Variants in OSBPL3 observed in about 807,000 individuals in gnomAD.
OSBPL3 encodes oxysterol-binding protein-related protein 3.
OSBPL3 carries 65 observed loss-of-function variants against 120.1 expected under a neutral mutation model. The observed-to-expected ratio is 0.54, with a 90% CI of 0.44 to 0.67. The LOEUF is 0.67. OSBPL3 is among the 30% of genes least tolerant of loss of function. The pLI is 0.00. For synonymous variants in OSBPL3, 416 were observed against 402.6 expected, an observed-to-expected ratio of 1.03 and a Z score of -0.40; for missense variants, 1,004 against 1,082.1, an observed-to-expected ratio of 0.93 and a Z score of 1.01.
chr7:24,938,485 A>G lies in OSBPL3; in HGVS notation c.-150+41401T>C, dbSNP rs1043138841. The stretch of plus-strand genomic sequence containing the variant: ...ATTCCAAAGCTGATATGGCAGCTTC[A>G]TGGTTATAATGACCAAAGATCCTTC... On this transcript the variant is annotated intron_variant, in intron 1 of 22. Transcript: ENST00000313367. The surrounding 1 kb of genome is among the most constrained non-coding windows in gnomAD (Gnocchi z 5.8). Among the ~76,000 whole-genome samples, 3 of 152,206 alleles carry G rather than the reference A, an allele frequency of 2.0e-5. No individual in the cohort carries two copies. The highest frequency in any genetic ancestry group is 4.4e-5 in the Non-Finnish European group (3 of 68,024).
chr7:24,829,201 C>A (rs984088205), intron 16 of OSBPL3, among the ~76,000 whole-genome samples: 3 of 152,130 alleles, frequency 2.0e-5, no homozygotes, highest in Admixed American at 6.6e-5. Context: ...GCATATGATA[C>A]CATGGAAACC....
rs1799085413 is a variant in OSBPL3 at position 24,851,026 on chromosome 7, G to A, written c.1158+1478C>T. On this transcript the variant is annotated intron_variant, in intron 11 of 22. Coordinates refer to ENST00000313367, the MANE Select transcript of OSBPL3 (RefSeq NM_015550.4). The surrounding 1 kb of genome is among the most constrained non-coding windows in gnomAD (Gnocchi z 4.1). Reference sequence around the variant, plus strand: ...TGGCCTAGGATACCACAGCCAAATAGGTCTCAGTGGCCAAACAGGCAGATT... The same window carrying A: ...TGGCCTAGGATACCACAGCCAAATAAGTCTCAGTGGCCAAACAGGCAGATT... Among the ~76,000 whole-genome samples, 1 of 152,202 alleles carries A rather than the reference G, an allele frequency of 6.6e-6. No individual in the cohort carries two copies. The highest frequency in any genetic ancestry group is 1.5e-5 in the Non-Finnish European group (1 of 68,028).
At position 24,872,144 on chromosome 7, in the gene OSBPL3, G is replaced by A; in HGVS notation, c.97-75C>T. 1 of 1,044,232 alleles carries A rather than the reference G, an allele frequency of 9.6e-7. No homozygotes were observed. The highest frequency in any genetic ancestry group is 1.5e-6 in the Non-Finnish European group (1 of 670,022). The allele number at this position is 1,044,232 out of a possible 1,614,324, so 64.7% of individuals were successfully genotyped here. A position where few individuals can be genotyped will look rare whatever the true frequency, so the allele number is the denominator to read the frequency against. On this transcript the variant is annotated intron_variant, in intron 2 of 22. Transcript: ENST00000313367. This position sits in a 1 kb window ranked among gnomAD's most constrained non-coding sequence, Gnocchi z 4.1. ...ATAATGGTAAAAAGCACTGCATCCTGTCAGTAAATTTATTCAAGATGGGGA... is the reference window on the plus strand; with the variant it reads ...ATAATGGTAAAAAGCACTGCATCCTATCAGTAAATTTATTCAAGATGGGGA...
intron 2 of OSBPL3, among the ~76,000 whole-genome samples, chr7:24,884,943 T>G (rs1397973557): frequency 6.6e-6 from 1 of 152,086 alleles, no homozygotes; most frequent in African/African-American, 2.4e-5. Context: ...TGAAATAAAT[T>G]TAGAGATGCT....
At chr7:24,882,316 TA>T (rs1235212748) in intron 2 of OSBPL3, among the ~76,000 whole-genome samples, 1 of 145,680 alleles carries the variant, frequency 6.9e-6, no homozygotes, top group Non-Finnish European at 1.5e-5. Flanking sequence ...TCCACCTGAA[TA>T]CATTTTTTAG....
Position 24,805,035 on chromosome 7 carries a change from G to A in OSBPL3, c.2445-598C>T, listed in dbSNP as rs960822314. On this transcript the variant is annotated intron_variant, in intron 21 of 22. Coordinates refer to ENST00000313367, the MANE Select transcript of OSBPL3 (RefSeq NM_015550.4). The surrounding 1 kb of genome is among the most constrained non-coding windows in gnomAD (Gnocchi z 4.0). ...ATTTGAATCATTTTAATGTGACAAT[G>A]CCGCAATAAATGACCTTGTATATCC... is the stretch of plus-strand genomic sequence containing the variant. Among the ~76,000 whole-genome samples the A allele has an allele frequency of 3.3e-5, 5 of 152,176 alleles. No individual in the cohort carries two copies. The highest frequency in any genetic ancestry group is 7.4e-5 in the Non-Finnish European group (5 of 68,020).
At position 24,834,528 on chromosome 7, in the gene OSBPL3, G is replaced by C; in HGVS notation, c.1704C>G (p.Leu568=). Residue 568 remains leucine (L), a synonymous_variant, in exon 15 of 23, where the codon CTC becomes CTG. Coordinates refer to ENST00000313367, the MANE Select transcript of OSBPL3 (RefSeq NM_015550.4). The surrounding 1 kb of genome is among the most constrained non-coding windows in gnomAD (Gnocchi z 5.2). ...RLCEELEYSE[L]LDKAAQIPSP... ...TGGGAATCTGCGCGGCCTTGTCCAG[G>C]AGCTCGCTGTACTCCAGCTCCTCGC... The C allele has an allele frequency of 6.2e-7, 1 of 1,613,926 alleles. No individual in the cohort carries two copies. The highest frequency in any genetic ancestry group is 8.5e-7 in the Non-Finnish European group (1 of 1,179,904).
chr7:24,897,320 CTTTTTTTTTTTT>C (rs35715609), intron 1 of OSBPL3, among the ~76,000 whole-genome samples: 1 of 102,254 alleles, frequency 9.8e-6, no homozygotes, highest in Non-Finnish European at 1.8e-5. Context: ...ATGGCAGAAT[CTTTTTTTTTTTT>C]TTTTTTTTTT....
intron 1 of OSBPL3, among the ~76,000 whole-genome samples, chr7:24,977,584 C>T (rs941043293): frequency 6.6e-6 from 1 of 152,086 alleles, no homozygotes; most frequent in Non-Finnish European, 1.5e-5. Context: ...GGGCAGGGCG[C>T]GGTGGCTCAC....
intron 17 of OSBPL3, 113 bp from the exon 18 acceptor site, chr7:24,816,801 G>C: frequency 1.4e-6 from 1 of 721,410 alleles, no homozygotes. Flanking sequence ...TCACAATCAA[G>C]TCAATTATTG....
At chr7:24,934,979 T>C (rs1417807919) in intron 1 of OSBPL3, among the ~76,000 whole-genome samples, 2 of 152,212 alleles carry the variant, frequency 1.3e-5, no homozygotes, top group Non-Finnish European at 2.9e-5. Flanking sequence ...ACAAGAACTT[T>C]TAGTGGCTTT....
rs1244082957 is a variant in OSBPL3 at position 24,861,627 on chromosome 7, T to G, written c.1013A>C (p.His338Pro). ...AACTCATTTACCTTTATGGGCAATA[T>G]GACACAGATCTTCTTGCATTTTAGA... ...EFSKMQEDLC[H>P]IAHKVYFTLR... Residue 338 changes from histidine (H) to proline (P), a missense_variant, in exon 10 of 23, where the codon CAT becomes CCT. Physicochemically the swap from His to Pro is moderately conservative, Grantham distance 77. Transcript: ENST00000313367. 3.8e-6 allele frequency: 6 copies of G among 1,598,432 alleles called. No individual in the cohort carries two copies. The highest frequency in any genetic ancestry group is 5.1e-6 in the Non-Finnish European group (6 of 1,174,210).
chr7:24,873,619 T>C lies in OSBPL3; in HGVS notation c.97-1550A>G, dbSNP rs1041765727. Among the ~76,000 whole-genome samples, 2 of 152,182 alleles carry C rather than the reference T, an allele frequency of 1.3e-5. No homozygotes were observed. Among genetic ancestry groups the C allele is most frequent in the African/African-American group, 4.8e-5 (2 of 41,436 alleles). On this transcript the variant is annotated intron_variant, in intron 2 of 22. Coordinates refer to ENST00000313367, the MANE Select transcript of OSBPL3 (RefSeq NM_015550.4). This position sits in a 1 kb window ranked among gnomAD's most constrained non-coding sequence, Gnocchi z 4.1. ...TTTTTTTTTAAGGAAGGTAGCAATG[T>C]TGAATGAGATTTCTTCATAACAAAA...
chr7:24,917,428 T>TA (rs1562924930), intron 1 of OSBPL3, among the ~76,000 whole-genome samples: 1,016 of 92,222 alleles, frequency 0.011, 25 homozygotes, highest in African/African-American at 0.022. Flanking sequence ...ATATATATAT[T>TA]TGTAACATAT....
At chr7:24,853,768 G>C (rs1023728041) in intron 10 of OSBPL3, among the ~76,000 whole-genome samples, 3 of 152,222 alleles carry the variant, frequency 2.0e-5, no homozygotes, top group African/African-American at 7.2e-5. Flanking sequence ...TGTGTGTGTA[G>C]AGAGTGATAA....
chr7:24,881,019 C>T lies in OSBPL3; in HGVS notation c.97-8950G>A, dbSNP rs1412501247. 6.6e-6 allele frequency among the ~76,000 whole-genome samples: 1 copy of T among 152,220 alleles called. No individual in the cohort carries two copies. The highest frequency in any genetic ancestry group is 1.9e-4 in the East Asian group (1 of 5,202). ...ATATAATACTCTTGTATGCCAACTACAGGGCATTCATGACTCTTCAAGGAG... is the reference window on the plus strand; with the variant it reads ...ATATAATACTCTTGTATGCCAACTATAGGGCATTCATGACTCTTCAAGGAG... On this transcript the variant is annotated intron_variant, in intron 2 of 22. Transcript: ENST00000313367. The surrounding 1 kb of genome is among the most constrained non-coding windows in gnomAD (Gnocchi z 4.3).
intron 10 of OSBPL3, among the ~76,000 whole-genome samples, chr7:24,858,761 G>A (rs946049213): frequency 6.6e-6 from 1 of 152,220 alleles, no homozygotes. Context: ...TTTCAACAAG[G>A]TGGAGACCTC....
At chr7:24,906,521 T>C (rs1807951103) in intron 1 of OSBPL3, 2 of 176,484 alleles carry the variant, frequency 1.1e-5, no homozygotes, top group South Asian at 2.4e-4. Context: ...GATATCACTG[T>C]AGAGTATCTT....
At chr7:24,904,072 G>A (rs1807478721) in intron 1 of OSBPL3, among the ~76,000 whole-genome samples, 1 of 151,824 alleles carries the variant, frequency 6.6e-6, no homozygotes, top group Admixed American at 6.6e-5. Flanking sequence ...TAGTAGAGAT[G>A]GGGTTTCACC....
Sources: allele counts gnomAD v4.1 joint callset (sites outside exome capture counted in the v4.1 genomes callset), GRCh38; gene constraint gnomAD v4.1.1; non-coding constraint Gnocchi (gnomAD v3.1); transcripts MANE v1.5; gene names NCBI Gene and HGNC (gene_info 2026-07-23, HGNC 2026-07-21).